The following SPTBN1 variants were observed in gnomAD, a reference collection of about 807,000 sequenced individuals.
SPTBN1 encodes the protein spectrin beta chain, non-erythrocytic 1.
SPTBN1 carries 32 observed loss-of-function variants against 266.4 expected under a neutral mutation model. The ratio of observed to expected loss-of-function variants is 0.12; its 90% CI spans 0.09 to 0.16. The LOEUF (loss-of-function observed/expected upper bound fraction) is 0.16, where lower values mean the gene tolerates loss of function less well. SPTBN1 is among the 10% of genes least tolerant of loss of function. The probability of loss-of-function intolerance (pLI) is 1.00; values close to 1 mark genes in which losing one functional copy is unlikely to be tolerated. For synonymous variants in SPTBN1, 1,336 were observed against 1,162.2 expected (o/e 1.15, Z -3.04); for missense variants, 2,296 against 3,067.1 (o/e 0.75, Z 5.94).
intron 1 of SPTBN1, among the ~76,000 whole-genome samples, chr2:54,524,603 C>T (rs1670685817): frequency 1.3e-5 from 2 of 152,132 alleles, no homozygotes; most frequent in African/African-American, 4.8e-5. Flanking sequence ...ATTATTGCCG[C>T]CTAGAATCTG....
intron 3 of SPTBN1, among the ~76,000 whole-genome samples, chr2:54,601,199 G>C (rs763975266): frequency 1.3e-5 from 2 of 152,132 alleles, no homozygotes; most frequent in Non-Finnish European, 1.5e-5. Flanking sequence ...ACAGAACTTT[G>C]TAAAGCCCCT....
At chr2:54,461,052 G>C (rs1293426418) in intron 1 of SPTBN1, among the ~76,000 whole-genome samples, 1 of 152,154 alleles carries the variant, frequency 6.6e-6, no homozygotes, top group Non-Finnish European at 1.5e-5. Context: ...CCACCGGCTA[G>C]TTCAGGAAGA....
chr2:54,667,022 A>T (rs1442336380), intron 34 of SPTBN1, among the ~76,000 whole-genome samples: 1 of 152,036 alleles, frequency 6.6e-6, no homozygotes, highest in African/African-American at 2.4e-5. Context: ...AACGGCCCCT[A>T]CCCTGTGTTA....
At chr2:54,659,520 C>T (rs2104207826) in intron 31 of SPTBN1, among the ~76,000 whole-genome samples, 1 of 152,334 alleles carries the variant, frequency 6.6e-6, no homozygotes, top group Admixed American at 6.5e-5. Flanking sequence ...TGTGTGCACA[C>T]ACACAGGATG....
At chr2:54,594,657 A>G (rs998867696) in intron 2 of SPTBN1, among the ~76,000 whole-genome samples, 1 of 152,164 alleles carries the variant, frequency 6.6e-6, no homozygotes, top group Non-Finnish European at 1.5e-5. Flanking sequence ...TTTTCTTTCC[A>G]TACAACTATT....
At chr2:54,584,912 T>A (rs562529059) in intron 2 of SPTBN1, among the ~76,000 whole-genome samples, 3 of 152,174 alleles carry the variant, frequency 2.0e-5, no homozygotes, top group African/African-American at 7.2e-5. Flanking sequence ...GAGTGGGAGA[T>A]AAAGGCTTGC....
rs1468206093 is a variant in SPTBN1 at position 54,615,170 on chromosome 2, T to G, written c.475-1037T>G. The stretch of plus-strand genomic sequence containing the variant: ...TAATGTAGTTGTTTCAATTCCCAGG[T>G]GTTTTTCCTAGTTGAAAGTTTCTAA... On this transcript the variant is annotated intron_variant, in intron 4 of 35. Transcript: ENST00000356805. 9.9e-5 allele frequency among the ~76,000 whole-genome samples: 15 copies of G among 152,234 alleles called. No individual in the cohort carries two copies. The South Asian group carries it at 1.7e-3, about 17-fold the overall frequency.
chr2:54,478,752 A>T (rs1186985120), intron 1 of SPTBN1, among the ~76,000 whole-genome samples: 2 of 152,246 alleles, frequency 1.3e-5, no homozygotes, highest in Non-Finnish European at 2.9e-5. Flanking sequence ...AAGTAAGCCT[A>T]CAAGTTTATG....
chr2:54,469,652 G>GC (rs1304551895), intron 1 of SPTBN1, among the ~76,000 whole-genome samples: 1 of 152,196 alleles, frequency 6.6e-6, no homozygotes, highest in African/African-American at 2.4e-5. Flanking sequence ...ACAAGACCAG[G>GC]CAGTGCCCAG....
chr2:54,477,083 A>G (rs936043356), intron 1 of SPTBN1, among the ~76,000 whole-genome samples: 3 of 152,104 alleles, frequency 2.0e-5, no homozygotes, highest in African/African-American at 7.2e-5. Context: ...GTTTTCTAGA[A>G]GTTTTGAAAT....
chr2:54,646,028 C>G lies in SPTBN1; in HGVS notation c.4584+11C>G. 6.2e-7 allele frequency: 1 copy of G among 1,614,230 alleles called. No individual in the cohort carries two copies. Among genetic ancestry groups the G allele is most frequent in the South Asian group, 1.1e-5 (1 of 91,084 alleles). ...ATAAAGAAAAATCAGGTAAGCCTTT[C>G]TGCTCGAGCTAGTTCTGTCTGATAA... On this transcript the variant is annotated intron_variant, in intron 22 of 35. Coordinates refer to ENST00000356805, the MANE Select transcript of SPTBN1 (RefSeq NM_003128.3). The surrounding 1 kb of genome is among the most constrained non-coding windows in gnomAD (Gnocchi z 4.4).
intron 1 of SPTBN1, among the ~76,000 whole-genome samples, chr2:54,467,621 G>A (rs1382215433): frequency 3.3e-5 from 5 of 152,164 alleles, no homozygotes; most frequent in African/African-American, 1.2e-4. Flanking sequence ...CTGACCTCAA[G>A]TGATCCACCC....
intron 2 of SPTBN1, among the ~76,000 whole-genome samples, chr2:54,563,479 A>G (rs1673455604): frequency 6.6e-6 from 1 of 151,910 alleles, no homozygotes; most frequent in African/African-American, 2.4e-5. Flanking sequence ...CATTACTACC[A>G]AGTTTATTAC....
intron 1 of SPTBN1, among the ~76,000 whole-genome samples, chr2:54,496,681 A>G (rs1668988449): frequency 1.3e-5 from 2 of 152,238 alleles, no homozygotes; most frequent in Admixed American, 1.3e-4. Flanking sequence ...CATCATCACT[A>G]GTAAGCAGAC....
At chr2:54,560,518 A>G (rs1385836563) in intron 2 of SPTBN1, among the ~76,000 whole-genome samples, 1 of 152,144 alleles carries the variant, frequency 6.6e-6, no homozygotes, top group East Asian at 1.9e-4. Context: ...CACACAGGAA[A>G]TGTCTTAACT....
chr2:54,656,047 A>G lies in SPTBN1; in HGVS notation c.6046+49A>G, dbSNP rs376276649. 21 of 1,481,262 alleles carry G rather than the reference A, an allele frequency of 1.4e-5. 1 individual carries two copies. The South Asian group carries it at 2.4e-4, about 17-fold the overall frequency. The allele number at this position is 1,481,262 out of a possible 1,614,324, so 91.8% of individuals were successfully genotyped here. On this transcript the variant is annotated intron_variant, in intron 29 of 35. Coordinates refer to ENST00000356805, the MANE Select transcript of SPTBN1 (RefSeq NM_003128.3). ...GCTCTTTTGGGTATCAATGGAAAAC[A>G]TGCACGTTTATTTTCTTGCTTTAAT... is the stretch of plus-strand genomic sequence containing the variant.
chr2:54,648,428 C>T (rs1572750417), intron 24 of SPTBN1, among the ~76,000 whole-genome samples: 1 of 152,290 alleles, frequency 6.6e-6, no homozygotes, highest in East Asian at 1.9e-4. Flanking sequence ...ATGGAGCAGC[C>T]GGTCCAGCCC....
chr2:54,496,083 A>G (rs116126316), intron 1 of SPTBN1, among the ~76,000 whole-genome samples: 1,816 of 152,226 alleles, frequency 0.012, 36 homozygotes, highest in African/African-American at 0.041. Context: ...GTAACCATCT[A>G]TGGGAACTCT....
intron 1 of SPTBN1, among the ~76,000 whole-genome samples, chr2:54,464,815 A>C (rs1178709982): frequency 1.3e-5 from 2 of 151,996 alleles, no homozygotes; most frequent in African/African-American, 4.8e-5. Context: ...TCAGCCTCCC[A>C]AGTAGTTGCA....
Sources: gnomAD v4.1 joint callset for allele counts (sites outside exome capture counted in the v4.1 genomes callset) on GRCh38, gnomAD v4.1.1 for gene constraint, Gnocchi (gnomAD v3.1) non-coding constraint, MANE v1.5 for transcripts, NCBI Gene and HGNC (gene_info 2026-07-23, HGNC 2026-07-21) for gene names.